Variants in KICS2 observed in about 807,000 individuals in gnomAD.
KICS2 encodes KICSTOR complex protein C12orf66.
In KICS2, 13 loss-of-function variants were observed where a neutral mutation model predicts 31.4. The ratio of observed to expected loss-of-function variants is 0.41; its 90% CI spans 0.27 to 0.66. KICS2 has a LOEUF of 0.66. Ranked by LOEUF, KICS2 falls within the 30% of genes least tolerant of loss-of-function variation. The pLI is 0.28. For missense variants in KICS2, 455 were observed against 545.4 expected, an observed-to-expected ratio of 0.83 and a Z score of 1.65; for synonymous variants, 209 against 214.8, an observed-to-expected ratio of 0.97 and a Z score of 0.24.
chr12:64,207,686 A>ATG (rs1484305467), intron 2 of KICS2, among the ~76,000 whole-genome samples: 1 of 152,174 alleles, frequency 6.6e-6, no homozygotes, highest in African/African-American at 2.4e-5. Flanking sequence ...CTAAGCCCAA[A>ATG]GCTCACAGTA....
At position 64,193,180 on chromosome 12, in the gene KICS2, T is replaced by A; in HGVS notation, c.*662A>T. On this transcript the variant is annotated 3_prime_UTR_variant, in exon 3 of 3. Transcript: ENST00000398055. ...AAGTCAAAACAAATGCAGTTAGGTG[T>A]GTACATTACCCCAAAAGAACCCATG... is the stretch of plus-strand genomic sequence containing the variant. 1 of 985,442 alleles carries A rather than the reference T, an allele frequency of 1.0e-6. No homozygotes were observed. Among genetic ancestry groups the A allele is most frequent in the Non-Finnish European group, 1.2e-6 (1 of 829,958 alleles). The allele number at this position is 985,442 out of a possible 1,614,324, so 61.0% of individuals were successfully genotyped here.
In KICS2 at chr12:64,215,883, TCAC is replaced by T; in HGVS notation, c.313_315del (p.Val105del). ...GTCCCACCCAGGGCACCACGGCCAG[TCAC>T]CACCTTCTTCAGCTCATTATGCAAT... On this transcript the variant is annotated inframe_deletion, in exon 2 of 3. Transcript: ENST00000398055. 6.2e-7 allele frequency: 1 copy of T among 1,613,898 alleles called. No homozygotes were observed. The highest frequency in any genetic ancestry group is 8.5e-7 in the Non-Finnish European group (1 of 1,179,940).
chr12:64,217,197 A>G (rs1184954474), intron 1 of KICS2, among the ~76,000 whole-genome samples: 1 of 152,226 alleles, frequency 6.6e-6, no homozygotes, highest in Non-Finnish European at 1.5e-5. Context: ...TTTTAGCACT[A>G]GAAGTCTAGC....
At chr12:64,209,994 G>A (rs1005551957) in intron 2 of KICS2, among the ~76,000 whole-genome samples, 1 of 152,128 alleles carries the variant, frequency 6.6e-6, no homozygotes, top group Non-Finnish European at 1.5e-5. Context: ...AAACCATAAA[G>A]GAGAAATGTT....
At chr12:64,200,982 T>C (rs1185261714) in intron 2 of KICS2, among the ~76,000 whole-genome samples, 2 of 86,808 alleles carry the variant, frequency 2.3e-5, no homozygotes, top group Non-Finnish European at 4.5e-5. Context: ...TGTGGAGAAA[T>C]AGGAACACTT....
At chr12:64,195,386 C>T (rs890361117) in intron 2 of KICS2, among the ~76,000 whole-genome samples, 2 of 152,124 alleles carry the variant, frequency 1.3e-5, no homozygotes, top group African/African-American at 4.8e-5. Flanking sequence ...CACATATAAA[C>T]TCATTTAATG....
At chr12:64,221,114 G>A (rs955192006) in intron 1 of KICS2, among the ~76,000 whole-genome samples, 4 of 137,084 alleles carry the variant, frequency 2.9e-5, no homozygotes, top group Non-Finnish European at 1.6e-5. Context: ...GGGAACGGGG[G>A]GGGGTGGATC....
intron 2 of KICS2, among the ~76,000 whole-genome samples, chr12:64,196,218 G>A (rs1177080817): frequency 6.6e-6 from 1 of 151,924 alleles, no homozygotes; most frequent in Non-Finnish European, 1.5e-5. Flanking sequence ...GCTTTGAAGA[G>A]AGCAGTGGCT....
chr12:64,214,443 T>C (rs2037609542), intron 2 of KICS2, among the ~76,000 whole-genome samples: 1 of 152,196 alleles, frequency 6.6e-6, no homozygotes, highest in South Asian at 2.1e-4. Flanking sequence ...GATGAGAAGA[T>C]AACTACAGTA....
rs2037375085 is a variant in KICS2 at position 64,191,135 on chromosome 12, A to G, written c.*2707T>C. On this transcript the variant is annotated 3_prime_UTR_variant, in exon 3 of 3. Transcript: ENST00000398055. ...CACAGACTTTACAGATCTCATTACT[A>G]TATTTAGAGAATAAATCTTAGAGTA... The G allele has an allele frequency of 1.3e-5, 2 of 152,220 alleles. No individual in the cohort carries two copies. The highest frequency in any genetic ancestry group is 2.9e-5 in the Non-Finnish European group (2 of 68,036). 9.4% of individuals were successfully genotyped at this position (152,220 alleles called of 1,614,324 possible).
chr12:64,208,613 A>C (rs944201815), intron 2 of KICS2, among the ~76,000 whole-genome samples: 2 of 152,218 alleles, frequency 1.3e-5, no homozygotes, highest in Non-Finnish European at 2.9e-5. Context: ...TTTGACGAAA[A>C]GTGGGCATAA....
At chr12:64,201,123 A>G (rs897067998) in intron 2 of KICS2, among the ~76,000 whole-genome samples, 1 of 146,950 alleles carries the variant, frequency 6.8e-6, no homozygotes, top group African/African-American at 2.6e-5. Flanking sequence ...CCAAATGACT[A>G]TAAATCATGC....
intron 2 of KICS2, among the ~76,000 whole-genome samples, chr12:64,212,138 T>A (rs76034458): frequency 3.5e-5 from 3 of 86,570 alleles, no homozygotes; most frequent in Admixed American, 1.1e-4. Flanking sequence ...TGTACAGTCA[T>A]TTTTTTTTAG....
intron 2 of KICS2, among the ~76,000 whole-genome samples, chr12:64,213,458 T>C (rs1311628958): frequency 1.3e-5 from 2 of 152,180 alleles, no homozygotes; most frequent in Non-Finnish European, 2.9e-5. Flanking sequence ...TATTTATACC[T>C]GTACTTCAAA....
At chr12:64,203,784 T>C (rs2037512169) in intron 2 of KICS2, among the ~76,000 whole-genome samples, 1 of 152,246 alleles carries the variant, frequency 6.6e-6, no homozygotes, top group Non-Finnish European at 1.5e-5. Context: ...AGAAACCGAT[T>C]ATCATGTGAA....
At chr12:64,208,625 G>A (rs556879876) in intron 2 of KICS2, among the ~76,000 whole-genome samples, 1 of 152,200 alleles carries the variant, frequency 6.6e-6, no homozygotes, top group South Asian at 2.1e-4. Flanking sequence ...TGGGCATAAG[G>A]GCTAAATAAA....
At chr12:64,196,260 G>A (rs1400697994) in intron 2 of KICS2, among the ~76,000 whole-genome samples, 8 of 147,882 alleles carry the variant, frequency 5.4e-5, no homozygotes, top group Admixed American at 2.1e-4. Context: ...TCTGAGAACC[G>A]GCAGACTGCC....
chr12:64,221,433 T>A (rs1249965715), intron 1 of KICS2: 1 of 153,862 alleles, frequency 6.5e-6, no homozygotes, highest in Non-Finnish European at 1.4e-5. Context: ...GTACATGAAG[T>A]GCTAAGAGTG....
intron 2 of KICS2, among the ~76,000 whole-genome samples, chr12:64,210,974 G>C (rs2037577518): frequency 6.6e-6 from 1 of 152,030 alleles, no homozygotes; most frequent in Non-Finnish European, 1.5e-5. Flanking sequence ...ATTATCACAG[G>C]GAATTTTGAA....
Sources: gnomAD v4.1 joint callset for allele counts (sites outside exome capture counted in the v4.1 genomes callset) on GRCh38, gnomAD v4.1.1 for gene constraint, MANE v1.5 for transcripts, NCBI Gene and HGNC (gene_info 2026-07-23, HGNC 2026-07-21) for gene names.